Variants in FBXO34 observed in about 807,000 individuals in gnomAD.
The protein encoded by FBXO34 is F-box protein 34, also known as F-box only protein 34.
Under a neutral mutation model 24.5 loss-of-function variants are expected in FBXO34, and 12 were observed. The ratio of observed to expected loss-of-function variants is 0.49; its 90% CI spans 0.31 to 0.79. The LOEUF (loss-of-function observed/expected upper bound fraction) is 0.79, where lower values mean the gene tolerates loss of function less well. Among genes scored for constraint, FBXO34 ranks in the 30% least tolerant of loss-of-function variants. FBXO34 has a pLI of 0.04. For missense variants in FBXO34, 823 were observed against 857.7 expected (o/e 0.96, Z 0.51); for synonymous variants, 320 against 311.9 (o/e 1.03, Z -0.27).
chr14:55,297,190 G>C (rs1030162284), intron 1 of FBXO34, among the ~76,000 whole-genome samples: 1 of 152,176 alleles, frequency 6.6e-6, no homozygotes, highest in African/African-American at 2.4e-5. Flanking sequence ...TTTATAGGCT[G>C]CTCTTTGTTA....
the FBXO34 span, chr14:55,396,086 T>C: frequency 1.2e-6 from 1 of 804,926 alleles, no homozygotes; most frequent in Middle Eastern, 3.2e-4. Flanking sequence ...TAGAAATGGC[T>C]AGAAATATCA....
At chr14:55,385,480 A>G in the FBXO34 span, among the ~76,000 whole-genome samples, 1 of 152,152 alleles carries the variant, frequency 6.6e-6, no homozygotes, top group South Asian at 2.1e-4. Context: ...TTTAGTAGAG[A>G]CAGGGTTTTG....
the FBXO34 span, chr14:55,377,721 G>T: frequency 2.5e-6 from 2 of 813,042 alleles, no homozygotes; most frequent in Non-Finnish European, 1.9e-6. Context: ...GGTTTGAGGA[G>T]TTTGGGATTA....
rs77832244 is a variant in FBXO34 at position 55,350,036 on chromosome 14, A to G, written c.-10-345A>G. On this transcript the variant is annotated intron_variant, in intron 1 of 1. Coordinates refer to ENST00000313833, the MANE Select transcript of FBXO34 (RefSeq NM_017943.4). ...TTTATACTTTCCTTTCTTCTGTACT[A>G]TGCCTAATACTTAGTTGTTTTCAGG... 1.3e-3 allele frequency among the ~76,000 whole-genome samples: 192 copies of G among 152,176 alleles called. 5 individuals carry two copies. The East Asian group carries it at 0.027, about 21-fold the overall frequency.
the FBXO34 span, among the ~76,000 whole-genome samples, chr14:55,424,983 G>A: frequency 1.3e-5 from 2 of 152,102 alleles, no homozygotes; most frequent in Admixed American, 6.6e-5. Context: ...TCAAAGCAGT[G>A]GCTAATGGAC....
intron 1 of FBXO34, chr14:55,299,096 G>A: frequency 2.9e-6 from 4 of 1,397,852 alleles, no homozygotes; most frequent in Admixed American, 3.3e-5. Context: ...ACGAGGATGA[G>A]CTCATGGCGG....
chr14:55,413,227 T>C, the FBXO34 span, among the ~76,000 whole-genome samples: 44 of 152,370 alleles, frequency 2.9e-4, no homozygotes, highest in African/African-American at 1.1e-3. Flanking sequence ...GGCTTATGTT[T>C]CATTTGTATT....
chr14:55,397,672 G>GA, the FBXO34 span, among the ~76,000 whole-genome samples: 2 of 152,124 alleles, frequency 1.3e-5, no homozygotes, highest in Non-Finnish European at 2.9e-5. Context: ...TATGTCTATA[G>GA]ATATCTTCCG....
At chr14:55,275,699 C>T (rs1361208420) in intron 1 of FBXO34, among the ~76,000 whole-genome samples, 1 of 150,832 alleles carries the variant, frequency 6.6e-6, no homozygotes, top group Non-Finnish European at 1.5e-5. Flanking sequence ...TGGCGGGTAC[C>T]TGTAGTCCCA....
chr14:55,319,961 C>G (rs1400514741), intron 1 of FBXO34, among the ~76,000 whole-genome samples: 3 of 152,142 alleles, frequency 2.0e-5, no homozygotes, highest in African/African-American at 7.2e-5. Flanking sequence ...CATGAGCCAC[C>G]ACACCTGGCC....
chr14:55,292,809 G>A (rs990495745), intron 1 of FBXO34, among the ~76,000 whole-genome samples: 6 of 152,180 alleles, frequency 3.9e-5, no homozygotes, highest in Non-Finnish European at 8.8e-5. Flanking sequence ...CAATAGCAAT[G>A]TTTTGGCTCT....
chr14:55,355,792 G>T (rs567258393), downstream of FBXO34, among the ~76,000 whole-genome samples: 11 of 152,300 alleles, frequency 7.2e-5, no homozygotes, highest in African/African-American at 2.2e-4. Context: ...TGTAAAATGT[G>T]TGCATTCCTC....
downstream of FBXO34, among the ~76,000 whole-genome samples, chr14:55,364,255 C>T (rs1407872771): frequency 6.6e-6 from 1 of 151,434 alleles, no homozygotes; most frequent in Non-Finnish European, 1.5e-5. Flanking sequence ...AGCTAATTTT[C>T]TCTTTTTAAA....
chr14:55,422,609 TG>T, the FBXO34 span, among the ~76,000 whole-genome samples: 1 of 152,096 alleles, frequency 6.6e-6, no homozygotes, highest in African/African-American at 2.4e-5. Context: ...CCCAGCACTT[TG>T]AGAGGCCAAG....
chr14:55,321,864 C>G (rs1369142164), intron 1 of FBXO34, among the ~76,000 whole-genome samples: 2 of 152,240 alleles, frequency 1.3e-5, no homozygotes, highest in Non-Finnish European at 2.9e-5. Context: ...TAGTGGACCT[C>G]AGATCCCTAC....
chr14:55,272,939 T>TCTTTG (rs1475750419), intron 1 of FBXO34, among the ~76,000 whole-genome samples: 7 of 152,228 alleles, frequency 4.6e-5, no homozygotes, highest in Non-Finnish European at 1.0e-4. Flanking sequence ...CTGTTTTTCT[T>TCTTTG]CCAAAGCTTT....
At chr14:55,402,894 A>C in the FBXO34 span, among the ~76,000 whole-genome samples, 2 of 14,758 alleles carry the variant, frequency 1.4e-4, no homozygotes, top group Non-Finnish European at 2.5e-4. Flanking sequence ...CCATCTCTAC[A>C]AAAAAAAAAA....
At chr14:55,436,829 G>A in the FBXO34 span, 9 of 1,614,086 alleles carry the variant, frequency 5.6e-6, no homozygotes, top group African/African-American at 1.3e-5. Flanking sequence ...CTAATGACAG[G>A]CTGGTCTTTA....
the FBXO34 span, among the ~76,000 whole-genome samples, chr14:55,427,198 T>A: frequency 6.6e-6 from 1 of 152,152 alleles, no homozygotes; most frequent in Non-Finnish European, 1.5e-5. Context: ...AGAGGCAACA[T>A]GTCTTACATG....
Sources: allele counts gnomAD v4.1 joint callset (sites outside exome capture counted in the v4.1 genomes callset), GRCh38; gene constraint gnomAD v4.1.1; transcripts MANE v1.5; gene names NCBI Gene and HGNC (gene_info 2026-07-23, HGNC 2026-07-21).